The following KDM4B variants were observed in gnomAD, a reference collection of about 807,000 sequenced individuals.
KDM4B encodes the protein lysine demethylase 4B.
A neutral mutation model predicts 125.2 loss-of-function variants in KDM4B; 32 were observed. The observed-to-expected ratio is 0.26, with a 90% CI of 0.19 to 0.34. KDM4B has a LOEUF of 0.34. KDM4B is among the 10% of genes least tolerant of loss of function. KDM4B has a pLI of 1.00. For synonymous variants in KDM4B, 721 were observed against 677.9 expected (o/e 1.06, Z -0.99); for missense variants, 1,190 against 1,577.7 (o/e 0.75, Z 4.16).
At chr19:5,039,787 C>G (rs1462454121) in intron 3 of KDM4B, 49 bp from the exon 4 acceptor site, 1 of 1,587,294 alleles carries the variant, frequency 6.3e-7, no homozygotes, top group East Asian at 2.2e-5. Context: ...CTCTCTGGCC[C>G]TGCCCTGAGG....
intron 18 of KDM4B, 106 bp from the exon 19 acceptor site, chr19:5,143,861 C>T: frequency 3.3e-6 from 3 of 919,724 alleles, no homozygotes; most frequent in Middle Eastern, 5.0e-4. Context: ...AGGGCCACTC[C>T]CGCGATGCCT....
At position 5,041,168 on chromosome 19, in the gene KDM4B, G is replaced by A; in HGVS notation, c.349G>A (p.Asp117Asn). ...YCTPRHQDFD[D>N]LERKYWKNLT... The stretch of plus-strand genomic sequence containing the variant: ...TACCCCGCGGCACCAGGACTTTGAT[G>A]ACCTTGAACGCAAATACTGGAAGAA... The change falls in exon 5 of 23, where the codon GAC becomes AAC. Residue 117 changes from aspartate to asparagine, a missense_variant. Coordinates refer to ENST00000159111, the MANE Select transcript of KDM4B (RefSeq NM_015015.3). 1 of 1,612,588 alleles carries A rather than the reference G, an allele frequency of 6.2e-7. No individual in the cohort carries two copies. The highest frequency in any genetic ancestry group is 8.5e-7 in the Non-Finnish European group (1 of 1,178,994).
intron 1 of KDM4B, among the ~76,000 whole-genome samples, chr19:4,994,333 A>T (rs1172156959): frequency 6.6e-6 from 1 of 151,216 alleles, no homozygotes. Flanking sequence ...GCACTTTGGG[A>T]GGCCGAGGCG....
intron 6 of KDM4B, among the ~76,000 whole-genome samples, chr19:5,048,507 G>A (rs1050751135): frequency 6.6e-6 from 1 of 152,074 alleles, no homozygotes; most frequent in African/African-American, 2.4e-5. Flanking sequence ...TTCCCAGGCC[G>A]TCCTCGCGCT....
Position 5,137,640 on chromosome 19 carries a change from T to C in KDM4B, c.2405T>C (p.Leu802Pro), listed in dbSNP as rs1378879661. ...AWTAECCLCN[L>P]RGGALQMTTD... The stretch of plus-strand genomic sequence containing the variant: ...CCACAGGAGTGCTGCCTGTGCAACC[T>C]GCGAGGAGGTGCGCTGCAGATGACC... The change falls in exon 17 of 23, where the codon CTG becomes CCG. Residue 802 changes from leucine to proline, a missense_variant. By Grantham distance (98) the Leu-to-Pro change is moderately conservative (BLOSUM62 -3). Around this residue, in one of 7 missense-constraint regions of KDM4B, gnomAD observed 298 missense variants for 439.7 expected, o/e 0.68. Transcript: ENST00000159111. 1 of 1,601,884 alleles carries C rather than the reference T, an allele frequency of 6.2e-7. No individual in the cohort carries two copies. The highest frequency in any genetic ancestry group is 8.5e-7 in the Non-Finnish European group (1 of 1,177,842).
intron 9 of KDM4B, among the ~76,000 whole-genome samples, chr19:5,097,854 T>G (rs2038857763): frequency 6.6e-6 from 1 of 152,210 alleles, no homozygotes; most frequent in African/African-American, 2.4e-5. Context: ...GCAAGGATGA[T>G]TCCCCTCGGC....
At chr19:5,076,889 C>T (rs901846128) in intron 7 of KDM4B, 6 of 172,686 alleles carry the variant, frequency 3.5e-5, no homozygotes, top group Middle Eastern at 2.8e-3. Flanking sequence ...TCTCATTGAC[C>T]GAGCGACTGT....
intron 9 of KDM4B, among the ~76,000 whole-genome samples, chr19:5,099,269 GAA>G (rs1437532903): frequency 6.7e-6 from 1 of 150,264 alleles, no homozygotes; most frequent in Non-Finnish European, 1.5e-5. Context: ...TTCTCAGAGA[GAA>G]ACATTTAATA....
intron 2 of KDM4B, among the ~76,000 whole-genome samples, chr19:5,026,374 G>C (rs2036278119): frequency 1.3e-5 from 2 of 152,238 alleles, no homozygotes; most frequent in South Asian, 4.1e-4. Context: ...CTGGAGTGTA[G>C]TGATGTGATC....
chr19:5,145,217 G>GTT (rs576512998), intron 21 of KDM4B, among the ~76,000 whole-genome samples: 6 of 146,118 alleles, frequency 4.1e-5, no homozygotes, highest in African/African-American at 5.0e-5. Flanking sequence ...GTACCCCTGG[G>GTT]TTTTTTTTTT....
At chr19:5,039,795 A>G in intron 3 of KDM4B, 41 bp from the exon 4 acceptor site, 1 of 1,596,604 alleles carries the variant, frequency 6.3e-7, no homozygotes, top group Admixed American at 1.7e-5. Context: ...CCCTGCCCTG[A>G]GGGTCTGAGG....
intron 1 of KDM4B, among the ~76,000 whole-genome samples, chr19:4,985,993 T>G (rs1160475384): frequency 2.0e-5 from 3 of 152,210 alleles, no homozygotes; most frequent in Admixed American, 2.0e-4. Context: ...AGAAATCGGA[T>G]CTCTTCTCAG....
At chr19:5,098,791 C>T (rs1599181377) in intron 9 of KDM4B, among the ~76,000 whole-genome samples, 1 of 152,072 alleles carries the variant, frequency 6.6e-6, no homozygotes, top group South Asian at 2.1e-4. Context: ...GAGAAGATGC[C>T]AAGAATCAGG....
chr19:5,040,134 G>A, intron 4 of KDM4B, 123 bp downstream of exon 4: 1 of 1,104,796 alleles, frequency 9.1e-7, no homozygotes, highest in Non-Finnish European at 1.3e-6. Flanking sequence ...CCTGCTCTGT[G>A]TGCCCCGTGT....
intron 1 of KDM4B, among the ~76,000 whole-genome samples, chr19:5,008,836 C>T (rs1445346839): frequency 6.7e-6 from 1 of 149,780 alleles, no homozygotes; most frequent in African/African-American, 2.5e-5. Context: ...CTCCTGACCT[C>T]GTGATCTGCC....
chr19:5,116,501 G>C (rs533635408), intron 10 of KDM4B, among the ~76,000 whole-genome samples: 1 of 152,298 alleles, frequency 6.6e-6, no homozygotes, highest in Admixed American at 6.5e-5. Context: ...GCTAAACAAG[G>C]ATGTAAATCG....
chr19:4,983,386 A>T (rs1199728933), intron 1 of KDM4B, among the ~76,000 whole-genome samples: 1 of 152,022 alleles, frequency 6.6e-6, no homozygotes, highest in African/African-American at 2.4e-5. Flanking sequence ...GGCTGGAGAG[A>T]TGAGACACAC....
At chr19:5,018,607 A>G (rs2035964350) in intron 2 of KDM4B, among the ~76,000 whole-genome samples, 1 of 152,226 alleles carries the variant, frequency 6.6e-6, no homozygotes, top group Non-Finnish European at 1.5e-5. Flanking sequence ...CACTCTTTAA[A>G]GGATACAGTT....
At chr19:4,994,705 G>A (rs1056659304) in intron 1 of KDM4B, among the ~76,000 whole-genome samples, 8 of 151,434 alleles carry the variant, frequency 5.3e-5, no homozygotes, top group African/African-American at 1.7e-4. Context: ...ATTTAATGCC[G>A]TTATTGATAT....
Sources: allele counts gnomAD v4.1 joint callset (sites outside exome capture counted in the v4.1 genomes callset), GRCh38; gene constraint gnomAD v4.1.1; regional missense constraint gnomAD v4.1.1; transcripts MANE v1.5; gene names NCBI Gene and HGNC (gene_info 2026-07-23, HGNC 2026-07-21).